SLMAP: variants seen among roughly 807,000 people sequenced by gnomAD.
SLMAP encodes sarcolemmal membrane-associated protein.
SLMAP carries 44 observed loss-of-function variants against 128.8 expected under a neutral mutation model. That is an observed-to-expected ratio of 0.34 (90% CI 0.27 to 0.44). The LOEUF is 0.44. Among genes scored for constraint, SLMAP ranks in the 20% least tolerant of loss-of-function variants. The pLI is 1.00. For missense variants in SLMAP, 787 were observed against 985.3 expected (o/e 0.80, Z 2.69); for synonymous variants, 327 against 348.8 (o/e 0.94, Z 0.70).
In SLMAP at chr3:57,917,058, C is replaced by A; in HGVS notation, c.2291C>A (p.Ala764Glu). 1 of 1,613,798 alleles carries A rather than the reference C, an allele frequency of 6.2e-7. No homozygotes were observed. The highest frequency in any genetic ancestry group is 1.1e-5 in the South Asian group (1 of 91,076). ...KTLLSKAENQ[A>E]KDVQKEYEKT... is the part of the protein sequence containing the mutation. ...CTTCTCAGTAAGGCAGAAAACCAAG[C>A]AAAGGATGTGCAGAAAGAGGTAAAG... Residue 764 changes from alanine to glutamate, a missense_variant, in exon 22 of 25, where the codon GCA becomes GAA. Around this residue, in one of 2 missense-constraint regions of SLMAP, gnomAD observed 715 missense variants for 843.6 expected, o/e 0.85. Coordinates refer to ENST00000671191, the MANE Select transcript of SLMAP (RefSeq NM_001377540.1).
At chr3:57,912,982 G>A (rs2096732502) in intron 20 of SLMAP, among the ~76,000 whole-genome samples, 176 bp from the exon 21 acceptor site, 3 of 152,178 alleles carry the variant, frequency 2.0e-5, no homozygotes, top group Admixed American at 1.3e-4. Flanking sequence ...CAAGCTGATA[G>A]CAGTCCTTGA....
At chr3:57,858,408 A>G (rs1054622317) in intron 8 of SLMAP, among the ~76,000 whole-genome samples, 2 of 152,234 alleles carry the variant, frequency 1.3e-5, no homozygotes, top group East Asian at 3.8e-4. Flanking sequence ...TTTGTCCTCT[A>G]GAATTTCCCT....
intron 2 of SLMAP, among the ~76,000 whole-genome samples, chr3:57,818,721 G>A (rs1025424456): frequency 1.3e-5 from 2 of 152,150 alleles, no homozygotes; most frequent in Non-Finnish European, 2.9e-5. Context: ...TGTTACCTTT[G>A]ATGGTAGTGA....
At chr3:57,770,094 A>G (rs1262840433) in intron 2 of SLMAP, among the ~76,000 whole-genome samples, 3 of 152,246 alleles carry the variant, frequency 2.0e-5, no homozygotes, top group Non-Finnish European at 2.9e-5. Context: ...ATTCATTTAA[A>G]TTGTAGCTGA....
intron 9 of SLMAP, among the ~76,000 whole-genome samples, chr3:57,861,662 T>C (rs1268357869): frequency 1.3e-5 from 2 of 152,202 alleles, no homozygotes; most frequent in African/African-American, 4.8e-5. Flanking sequence ...GTCATACCCA[T>C]TGGCCTTTCA....
intron 3 of SLMAP, among the ~76,000 whole-genome samples, chr3:57,839,368 T>G (rs900318419): frequency 6.6e-6 from 1 of 152,104 alleles, no homozygotes; most frequent in Non-Finnish European, 1.5e-5. Context: ...TATTACTTCA[T>G]GTTTATAATA....
chr3:57,877,640 G>A (rs115398369), intron 14 of SLMAP, among the ~76,000 whole-genome samples: 1,920 of 151,994 alleles, frequency 0.013, 29 homozygotes, highest in African/African-American at 0.044. Flanking sequence ...TCCCTAGTCA[G>A]CCCACTTTCT....
rs3832206 is a variant in SLMAP at position 57,922,867 on chromosome 3, CTT to C, written c.2311-14_2311-13del. 1.9e-6 allele frequency: 3 copies of C among 1,597,348 alleles called. No individual in the cohort carries two copies. Among genetic ancestry groups the C allele is most frequent in the Non-Finnish European group, 2.6e-6 (3 of 1,170,852 alleles). On this transcript the variant is annotated intron_variant, in intron 22 of 24. Transcript: ENST00000671191. ...ACCCATTTTAAGTTGTATCTGCACA[CTT>C]TTTTTTTCTTTGCCTTTAGTATGAA...
chr3:57,778,570 CT>C lies in SLMAP; in HGVS notation c.198+20740del, dbSNP rs1171049495. ...TTTCTAGTTTCTCTTTTCTTTCTTT[CT>C]TTTTTTTTTTTTTTTTTTGAGACCA... On this transcript the variant is annotated intron_variant, in intron 2 of 24. Coordinates refer to ENST00000671191, the MANE Select transcript of SLMAP (RefSeq NM_001377540.1). Among the ~76,000 whole-genome samples the C allele has an allele frequency of 8.7e-3, 1,006 of 115,086 alleles. 5 individuals carry two copies. The highest frequency in any genetic ancestry group is 0.033 in the Admixed American group (352 of 10,718). 75.5% of individuals were successfully genotyped at this position (115,086 alleles called of 152,430 possible). A position where few individuals can be genotyped will look rare whatever the true frequency, so the allele number is the denominator to read the frequency against.
At chr3:57,865,336 A>G in intron 13 of SLMAP, 44 bp downstream of exon 13, 1 of 828,202 alleles carries the variant, frequency 1.2e-6, no homozygotes, top group Admixed American at 2.6e-5. Context: ...TTATGATATC[A>G]TTTTAGTATT....
intron 14 of SLMAP, among the ~76,000 whole-genome samples, chr3:57,883,687 A>T (rs1467842680): frequency 2.0e-5 from 3 of 152,138 alleles, no homozygotes; most frequent in African/African-American, 7.2e-5. Context: ...AATAGATGCC[A>T]ACAAAATTTT....
intron 6 of SLMAP, among the ~76,000 whole-genome samples, chr3:57,851,776 C>CA (rs1159288535): frequency 1.1e-4 from 16 of 152,054 alleles, no homozygotes; most frequent in Admixed American, 9.2e-4. Context: ...TGAGCCACCG[C>CA]ACCAGGCAAG....
chr3:57,836,597 C>T (rs1030906476), intron 3 of SLMAP, among the ~76,000 whole-genome samples: 5 of 152,100 alleles, frequency 3.3e-5, no homozygotes, highest in African/African-American at 1.2e-4. Context: ...CTCAGTCTCC[C>T]AAAGTGGTGG....
At chr3:57,891,781 T>A (rs2096076988) in intron 15 of SLMAP, among the ~76,000 whole-genome samples, 1 of 152,186 alleles carries the variant, frequency 6.6e-6, no homozygotes, top group South Asian at 2.1e-4. Context: ...TTCACCATGT[T>A]GACCAGGCTG....
At chr3:57,779,693 G>T (rs192281370) in intron 2 of SLMAP, among the ~76,000 whole-genome samples, 3 of 151,962 alleles carry the variant, frequency 2.0e-5, no homozygotes, top group African/African-American at 4.8e-5. Flanking sequence ...CTTTATAAAT[G>T]AATACTTATT....
rs576710736 is a variant in SLMAP at position 57,777,788 on chromosome 3, A to G, written c.198+19939A>G. The stretch of plus-strand genomic sequence containing the variant: ...AGCAATAAACAAATGCTCAACTTTC[A>G]ACATAAGTAAGGAAGTGTAAACTTA... On this transcript the variant is annotated intron_variant, in intron 2 of 24. Coordinates refer to ENST00000671191, the MANE Select transcript of SLMAP (RefSeq NM_001377540.1). 2.6e-5 allele frequency among the ~76,000 whole-genome samples: 4 copies of G among 152,360 alleles called. No homozygotes were observed. In the South Asian group the frequency reaches 8.3e-4, roughly 32 times the overall value.
At chr3:57,906,355 G>A (rs1289722554) in intron 17 of SLMAP, among the ~76,000 whole-genome samples, 8 of 84,400 alleles carry the variant, frequency 9.5e-5, no homozygotes, top group South Asian at 3.9e-4. Context: ...ACTCTCTGTC[G>A]CCCAGGCTGG....
chr3:57,873,921 G>A (rs2095543071), intron 14 of SLMAP, among the ~76,000 whole-genome samples: 1 of 152,184 alleles, frequency 6.6e-6, no homozygotes. Context: ...AGGAGTTTGA[G>A]ACGAACCTGG....
chr3:57,856,393 CTTAA>C (rs1411020350), intron 6 of SLMAP, among the ~76,000 whole-genome samples: 2 of 152,112 alleles, frequency 1.3e-5, no homozygotes, highest in African/African-American at 4.8e-5. Flanking sequence ...TGTTTCTATT[CTTAA>C]TTTATAAGCT....
Sources: gnomAD v4.1 joint callset for allele counts (sites outside exome capture counted in the v4.1 genomes callset) on GRCh38, gnomAD v4.1.1 for gene constraint, gnomAD v4.1.1 regional missense constraint, MANE v1.5 for transcripts, NCBI Gene and HGNC (gene_info 2026-07-23, HGNC 2026-07-21) for gene names.